The following BET1 variants were observed in gnomAD, a reference collection of about 807,000 sequenced individuals.
The protein encoded by BET1 is Bet1 golgi vesicular membrane trafficking protein.
In BET1, 9 loss-of-function variants were observed where a neutral mutation model predicts 13.9. That is an observed-to-expected ratio of 0.65 (90% CI 0.39 to 1.13). The LOEUF (loss-of-function observed/expected upper bound fraction) is 1.13. Ranked by LOEUF, BET1 falls within the 50% of genes most tolerant of loss-of-function variation. The pLI, the probability that BET1 is intolerant of heterozygous loss-of-function variation, is 0.01. For missense variants in BET1, 127 were observed against 133.6 expected (o/e 0.95, Z 0.24); for synonymous variants, 39 against 47.3 (o/e 0.82, Z 0.72).
chr7:93,965,883 C>A (rs558092323), intron 6 of BET1, among the ~76,000 whole-genome samples: 1 of 152,028 alleles, frequency 6.6e-6, no homozygotes, highest in Admixed American at 6.6e-5. Flanking sequence ...ACAAGATAGA[C>A]CTTTACTTAG....
intron 3 of BET1, among the ~76,000 whole-genome samples, chr7:93,995,088 C>T (rs113874672): frequency 8.5e-5 from 13 of 152,274 alleles, no homozygotes; most frequent in African/African-American, 1.4e-4. Flanking sequence ...TCAGGTAATC[C>T]GCCCACCTCA....
rs565521832 is a variant in BET1, at chr7:94,000,009, T to A, written c.20-715A>T. 2.6e-5 allele frequency among the ~76,000 whole-genome samples: 4 copies of A among 152,296 alleles called. No individual in the cohort carries two copies. The South Asian group carries it at 8.3e-4, about 32-fold the overall frequency. ...ATATAGTACTTCATAGTCATCAGGC[T>A]ATCAAACAACAGATGGAGTGGGCCT... On this transcript the variant is annotated intron_variant, in intron 1 of 3. Transcript: ENST00000222547.
intron 1 of BET1, chr7:93,999,726 C>A (rs1221769784): frequency 1.5e-5 from 7 of 456,042 alleles, no homozygotes; most frequent in Admixed American, 7.1e-5. Flanking sequence ...GAGCTCATAG[C>A]GGCGAGGGTT....
intron 4 of BET1, among the ~76,000 whole-genome samples, chr7:93,984,022 T>A (rs1348822769): frequency 6.6e-6 from 1 of 152,150 alleles, no homozygotes; most frequent in Non-Finnish European, 1.5e-5. Context: ...AGAAATTGAT[T>A]ATCCCACAAT....
At position 93,976,774 on chromosome 7, in the gene BET1, T is replaced by C. The variant is rs1448716138; in HGVS notation, c.236-674A>G. 8.5e-5 allele frequency among the ~76,000 whole-genome samples: 13 copies of C among 152,080 alleles called. No individual in the cohort carries two copies. The South Asian group carries it at 2.7e-3, about 32-fold the overall frequency. ...GATTTCTGAGATTTTGGTGCACCCA[T>C]TACCTGAGCAGCATACACTGTACCC... On this transcript the variant is annotated intron_variant and NMD_transcript_variant, in intron 4 of 6. Transcript: ENST00000357520.
At chr7:93,989,806 T>C (rs1243476203), downstream of BET1, among the ~76,000 whole-genome samples, 1 of 152,246 alleles carries the variant, frequency 6.6e-6, no homozygotes, top group Non-Finnish European at 1.5e-5. Flanking sequence ...TGTGTGAATC[T>C]AAAACTATTT....
intron 6 of BET1, among the ~76,000 whole-genome samples, chr7:93,968,930 A>G (rs573445388): frequency 1.3e-5 from 2 of 151,930 alleles, no homozygotes; most frequent in East Asian, 3.9e-4. Context: ...GTTCTTTTCA[A>G]TGTCTATGAA....
At chr7:93,995,981 G>T in intron 3 of BET1, 1 of 469,870 alleles carries the variant, frequency 2.1e-6, no homozygotes, top group Non-Finnish European at 3.7e-6. Context: ...AGACTTCTAA[G>T]ACTACTCAAA....
At chr7:93,996,523 T>C (rs553520921) in intron 2 of BET1, among the ~76,000 whole-genome samples, 5 of 152,046 alleles carry the variant, frequency 3.3e-5, no homozygotes, top group African/African-American at 4.8e-5. Flanking sequence ...ATTATGGACA[T>C]TTCTTCTTTC....
intron 4 of BET1, among the ~76,000 whole-genome samples, chr7:93,982,928 A>G (rs1312115891): frequency 2.0e-5 from 3 of 152,150 alleles, no homozygotes; most frequent in Non-Finnish European, 4.4e-5. Flanking sequence ...ATTTCTCATA[A>G]TACGAAGGTT....
chr7:93,988,984 A>C (rs1422709947), downstream of BET1, among the ~76,000 whole-genome samples: 1 of 147,988 alleles, frequency 6.8e-6, no homozygotes, highest in Non-Finnish European at 1.5e-5. Flanking sequence ...AGATATATAA[A>C]TATATAAAAT....
In BET1 at chr7:94,003,284, TCAATAAA is replaced by T. The variant is rs1584151669; in HGVS notation, c.19+907_19+913del. Among the ~76,000 whole-genome samples the T allele has an allele frequency of 2.0e-5, 3 of 152,110 alleles. No homozygotes were observed. In the East Asian group the frequency reaches 5.8e-4, roughly 29 times the overall value. ...ACTTTCTCATACTACAATTTATTGA[TCAATAAA>T]CAAGTCTACGGTTATTGGCAACTTT... On this transcript the variant is annotated intron_variant, in intron 1 of 3. Coordinates refer to ENST00000222547, the MANE Select transcript of BET1 (RefSeq NM_005868.6).
At chr7:93,981,017 T>A (rs1383456211) in intron 4 of BET1, among the ~76,000 whole-genome samples, 1 of 152,176 alleles carries the variant, frequency 6.6e-6, no homozygotes, top group African/African-American at 2.4e-5. Context: ...TCTCTGGGCT[T>A]TATTTTAGAC....
intron 5 of BET1, among the ~76,000 whole-genome samples, chr7:93,974,232 T>C (rs1795302748): frequency 6.6e-6 from 1 of 152,040 alleles, no homozygotes; most frequent in South Asian, 2.1e-4. Flanking sequence ...CTTAGACATA[T>C]GTGTATGCAA....
downstream of BET1, chr7:93,992,314 A>T: frequency 7.1e-6 from 7 of 985,242 alleles, no homozygotes; most frequent in Non-Finnish European, 8.4e-6. Flanking sequence ...TAAAATTTTT[A>T]AATATTTTAC....
intron 4 of BET1, among the ~76,000 whole-genome samples, chr7:93,980,822 ACTGT>A (rs1324873201): frequency 6.6e-6 from 1 of 152,148 alleles, no homozygotes; most frequent in Admixed American, 6.5e-5. Flanking sequence ...AAGAAGTAAA[ACTGT>A]CTGTGTTTGC....
chr7:93,997,618 G>A (rs951957517), intron 2 of BET1, among the ~76,000 whole-genome samples: 5 of 152,188 alleles, frequency 3.3e-5, no homozygotes, highest in African/African-American at 1.2e-4. Flanking sequence ...AATGTAATTC[G>A]ATTTTCCAAA....
At chr7:93,974,581 C>T (rs1239277947) in intron 5 of BET1, among the ~76,000 whole-genome samples, 1 of 151,812 alleles carries the variant, frequency 6.6e-6, no homozygotes, top group Admixed American at 6.6e-5. Context: ...GATTATAATC[C>T]ATAGAATAAA....
At chr7:94,002,511 G>A (rs974350686) in intron 1 of BET1, among the ~76,000 whole-genome samples, 1 of 151,176 alleles carries the variant, frequency 6.6e-6, no homozygotes, top group African/African-American at 2.4e-5. Context: ...AAGGTAGTGG[G>A]CTCTAAATTG....
Sources: gnomAD v4.1 joint callset for allele counts (sites outside exome capture counted in the v4.1 genomes callset) on GRCh38, gnomAD v4.1.1 for gene constraint, MANE v1.5 for transcripts, NCBI Gene and HGNC (gene_info 2026-07-23, HGNC 2026-07-21) for gene names.